CCDC88C: variants seen among roughly 807,000 people sequenced by gnomAD.
CCDC88C encodes coiled-coil and HOOK domain protein 88C, also known as protein Daple.
Under a neutral mutation model 198.8 loss-of-function variants are expected in CCDC88C, and 131 were observed. The ratio of observed to expected loss-of-function variants is 0.66; its 90% CI spans 0.57 to 0.76. The LOEUF (loss-of-function observed/expected upper bound fraction) is 0.76, where lower values mean the gene tolerates loss of function less well. CCDC88C is among the 30% of genes least tolerant of loss of function. The probability of loss-of-function intolerance (pLI) is 0.00; values close to 1 mark genes in which losing one functional copy is unlikely to be tolerated. For synonymous variants in CCDC88C, 1,166 were observed against 1,114.7 expected (o/e 1.05, Z -0.92); for missense variants, 2,553 against 2,631.6 (o/e 0.97, Z 0.65).
intron 10 of CCDC88C, among the ~76,000 whole-genome samples, chr14:91,335,346 G>GC (rs1370638768): frequency 1.3e-5 from 2 of 152,062 alleles, no homozygotes; most frequent in African/African-American, 4.8e-5. Context: ...GGCCCTGAGA[G>GC]CCCCTCCAGC....
chr14:91,298,949 G>A (rs1181582709), intron 21 of CCDC88C, among the ~76,000 whole-genome samples: 3 of 152,172 alleles, frequency 2.0e-5, no homozygotes, highest in Non-Finnish European at 1.5e-5. Context: ...CTCCCAACCT[G>A]TTTCCTCATC....
intron 3 of CCDC88C, among the ~76,000 whole-genome samples, chr14:91,401,602 TG>T (rs1886209067): frequency 1.3e-5 from 2 of 152,056 alleles, no homozygotes; most frequent in South Asian, 4.1e-4. Context: ...CCCAAAGTGC[TG>T]GGATTACAGG....
intron 28 of CCDC88C, among the ~76,000 whole-genome samples, chr14:91,278,991 TC>T (rs979851856): frequency 3.8e-5 from 5 of 132,432 alleles, no homozygotes; most frequent in African/African-American, 1.4e-4. Context: ...AGCCTTGACC[TC>T]CCAGGCTTGA....
chr14:91,397,971 A>G (rs1885951099), intron 3 of CCDC88C, among the ~76,000 whole-genome samples: 1 of 152,238 alleles, frequency 6.6e-6, no homozygotes, highest in African/African-American at 2.4e-5. Context: ...CTGTTTCCTG[A>G]TCTTGCTCCA....
chr14:91,359,705 G>T lies in CCDC88C; in HGVS notation c.277C>A (p.Leu93Ile). 6.2e-7 allele frequency: 1 copy of T among 1,608,986 alleles called. No homozygotes were observed. The highest frequency in any genetic ancestry group is 8.5e-7 in the Non-Finnish European group (1 of 1,177,420). Residue 93 changes from leucine to isoleucine, a missense_variant, in exon 4 of 30, where the codon CTC becomes ATC. By Grantham distance (5) the Leu-to-Ile change is conservative (BLOSUM62 2). Coordinates refer to ENST00000389857, the MANE Select transcript of CCDC88C (RefSeq NM_001080414.4). ...RNIKTYYQEV[L>I]QQLIVMNLPN... Reference sequence around the variant, plus strand: ...AAATTCATTACAATCAGCTGCTGGAGAACTTCCTGCAGAAACAAAGGGGGA... The same window carrying T: ...AAATTCATTACAATCAGCTGCTGGATAACTTCCTGCAGAAACAAAGGGGGA...
intron 23 of CCDC88C, among the ~76,000 whole-genome samples, chr14:91,291,379 C>T (rs1427995072): frequency 6.6e-6 from 1 of 152,164 alleles, no homozygotes; most frequent in Non-Finnish European, 1.5e-5. Context: ...TCGGAAGACC[C>T]AAGGATTCTC....
intron 15 of CCDC88C, among the ~76,000 whole-genome samples, chr14:91,311,615 G>T (rs557068521): frequency 9.5e-4 from 144 of 152,330 alleles, no homozygotes; most frequent in African/African-American, 3.3e-3. Flanking sequence ...TCCCATGTGG[G>T]CAGGGTCCCC....
intron 24 of CCDC88C, among the ~76,000 whole-genome samples, chr14:91,289,579 C>T (rs1230690502): frequency 1.3e-5 from 2 of 152,190 alleles, no homozygotes; most frequent in Non-Finnish European, 2.9e-5. Flanking sequence ...TGCATTGTGA[C>T]AGAAATCCAC....
chr14:91,290,615 G>A (rs368407069), intron 24 of CCDC88C, among the ~76,000 whole-genome samples: 1 of 152,368 alleles, frequency 6.6e-6, no homozygotes, highest in East Asian at 1.9e-4. Flanking sequence ...GCTGGGCCAA[G>A]TGTGCTGCCC....
chr14:91,413,572 G>C (rs1035699350), intron 2 of CCDC88C, among the ~76,000 whole-genome samples: 4 of 152,194 alleles, frequency 2.6e-5, no homozygotes, highest in Non-Finnish European at 5.9e-5. Flanking sequence ...AGGGGCTATT[G>C]AGCAGGCATT....
intron 10 of CCDC88C, among the ~76,000 whole-genome samples, chr14:91,334,267 G>T (rs1892955350): frequency 6.6e-6 from 1 of 152,144 alleles, no homozygotes; most frequent in Admixed American, 6.5e-5. Context: ...TTTGAGAGAG[G>T]GTCTCACTCT....
At position 91,338,287 on chromosome 14, in the gene CCDC88C, G is replaced by T; in HGVS notation, c.892-124C>A. ...AGGACAAGCCAGCTCCTGGTGGCCG[G>T]GGGCCTCCATGTGCCACCACCACAC... On this transcript the variant is annotated intron_variant, in intron 9 of 29. Transcript: ENST00000389857. The surrounding 1 kb of genome is among the most constrained non-coding windows in gnomAD (Gnocchi z 4.8). 8.1e-7 allele frequency: 1 copy of T among 1,236,356 alleles called. No individual in the cohort carries two copies. The allele number at this position is 1,236,356 out of a possible 1,614,324, so 76.6% of individuals were successfully genotyped here.
chr14:91,300,625 G>A (rs1891232251), intron 20 of CCDC88C, among the ~76,000 whole-genome samples: 2 of 152,154 alleles, frequency 1.3e-5, no homozygotes, highest in Non-Finnish European at 2.9e-5. Context: ...CCAGGGACTA[G>A]TTGTCACATA....
chr14:91,310,060 C>A, intron 15 of CCDC88C, 74 bp from the exon 16 acceptor site: 1 of 1,427,090 alleles, frequency 7.0e-7, no homozygotes, highest in Non-Finnish European at 9.3e-7. Context: ...CAGTCCCGCC[C>A]GGGTGTGAGC....
At chr14:91,415,942 G>C (rs1053491408) in intron 2 of CCDC88C, among the ~76,000 whole-genome samples, 2 of 152,140 alleles carry the variant, frequency 1.3e-5, no homozygotes, top group Non-Finnish European at 1.5e-5. Flanking sequence ...GATCCACAGA[G>C]AACATTAGGA....
At chr14:91,295,154 AC>A (rs1482953187) in intron 22 of CCDC88C, among the ~76,000 whole-genome samples, 1 of 152,192 alleles carries the variant, frequency 6.6e-6, no homozygotes, top group Non-Finnish European at 1.5e-5. Flanking sequence ...CCTCCTCTTC[AC>A]CCCATAAGCA....
chr14:91,376,351 CAT>C (rs767836082), intron 3 of CCDC88C, among the ~76,000 whole-genome samples: 25 of 152,334 alleles, frequency 1.6e-4, no homozygotes, highest in Middle Eastern at 3.4e-3. Flanking sequence ...TATATCCACT[CAT>C]GTGTTCATTC....
chr14:91,407,486 C>T (rs572070392), intron 3 of CCDC88C, among the ~76,000 whole-genome samples: 6 of 152,156 alleles, frequency 3.9e-5, no homozygotes, highest in Non-Finnish European at 8.8e-5. Flanking sequence ...GAAACGCTGG[C>T]GTGAATCTGG....
intron 13 of CCDC88C, among the ~76,000 whole-genome samples, chr14:91,320,646 G>C (rs1421582923): frequency 6.6e-6 from 1 of 152,218 alleles, no homozygotes; most frequent in Non-Finnish European, 1.5e-5. Context: ...TGAGCCCTTA[G>C]GCTGCAGGGT....
Sources: allele counts gnomAD v4.1 joint callset (sites outside exome capture counted in the v4.1 genomes callset), GRCh38; gene constraint gnomAD v4.1.1; non-coding constraint Gnocchi (gnomAD v3.1); transcripts MANE v1.5; gene names NCBI Gene and HGNC (gene_info 2026-07-23, HGNC 2026-07-21).